IGF1: variants seen among roughly 807,000 people sequenced by gnomAD.
The protein encoded by IGF1 is insulin-like growth factor 1.
In IGF1, 4 loss-of-function variants were observed where a neutral mutation model predicts 13.8. The observed-to-expected ratio is 0.29, with a 90% CI of 0.14 to 0.66. The LOEUF is 0.66. Ranked by LOEUF, IGF1 falls within the 30% of genes least tolerant of loss-of-function variation. The pLI is 0.78. For synonymous variants in IGF1, 76 were observed against 72.6 expected (o/e 1.05, Z -0.23); for missense variants, 124 against 188.5 (o/e 0.66, Z 2.00).
rs2094412773 is a variant in IGF1, at chr12:102,396,962, G to A, written c.*5545C>T. ...TCATGCCTGTAATCCCAGCAATTTG[G>A]GAGGCTGAGGCGGGCAAATCACAAG... On this transcript the variant is annotated 3_prime_UTR_variant, in exon 4 of 4. Coordinates refer to ENST00000337514, the MANE Select transcript of IGF1 (RefSeq NM_000618.5). The A allele has an allele frequency of 2.3e-5, 9 of 397,660 alleles. No individual in the cohort carries two copies. Among genetic ancestry groups the A allele is most frequent in the Non-Finnish European group, 3.1e-5 (7 of 225,646 alleles). 24.6% of individuals were successfully genotyped at this position (397,660 alleles called of 1,614,324 possible). A position where few individuals can be genotyped will look rare whatever the true frequency, so the allele number is the denominator to read the frequency against.
At chr12:102,480,989 C>T (rs1474390988), upstream of IGF1, among the ~76,000 whole-genome samples, 1 of 152,182 alleles carries the variant, frequency 6.6e-6, no homozygotes, top group Non-Finnish European at 1.5e-5. Flanking sequence ...ATAAGACCCT[C>T]TCCAGCAAAC....
rs1263148572 is a variant in IGF1 at position 102,398,074 on chromosome 12, G to A, written c.*4433C>T. 3 of 135,340 alleles carry A rather than the reference G, an allele frequency of 2.2e-5. No individual in the cohort carries two copies. The highest frequency in any genetic ancestry group is 2.1e-4 in the East Asian group (1 of 4,692). The allele number at this position is 135,340 out of a possible 1,614,324, so 8.4% of individuals were successfully genotyped here. ...TTTTGAACATTAAGAAATTCATAAAGACTGTATAAAGTAAAAAAAAAAAAA... is the reference window on the plus strand; with the variant it reads ...TTTTGAACATTAAGAAATTCATAAAAACTGTATAAAGTAAAAAAAAAAAAA... On this transcript the variant is annotated 3_prime_UTR_variant, in exon 4 of 4. Transcript: ENST00000337514.
At chr12:102,459,225 G>T (rs965969803) in intron 2 of IGF1, among the ~76,000 whole-genome samples, 1 of 152,184 alleles carries the variant, frequency 6.6e-6, no homozygotes, top group African/African-American at 2.4e-5. Flanking sequence ...GTCAGATAGA[G>T]ACCTTACGTA....
intron 2 of IGF1, among the ~76,000 whole-genome samples, chr12:102,451,659 G>T (rs1170252164): frequency 2.6e-5 from 4 of 152,194 alleles, no homozygotes; most frequent in African/African-American, 7.2e-5. Flanking sequence ...CAGTGCACAG[G>T]GATCTCTCCC....
At chr12:102,411,045 G>A (rs536476167) in intron 3 of IGF1, among the ~76,000 whole-genome samples, 1 of 152,280 alleles carries the variant, frequency 6.6e-6, no homozygotes, top group East Asian at 1.9e-4. Flanking sequence ...TGTGCCAAAA[G>A]CACCTCTACC....
At chr12:102,479,889 A>G (rs1881298288) in intron 1 of IGF1, among the ~76,000 whole-genome samples, 1 of 152,152 alleles carries the variant, frequency 6.6e-6, no homozygotes, top group African/African-American at 2.4e-5. Context: ...CTGATGAGTT[A>G]CACACACAGA....
intron 2 of IGF1, among the ~76,000 whole-genome samples, chr12:102,434,419 G>A (rs1877031460): frequency 6.6e-6 from 1 of 150,836 alleles, no homozygotes; most frequent in Admixed American, 6.6e-5. Flanking sequence ...CTGTCCCTGC[G>A]ATAGTTTACT....
intron 2 of IGF1, among the ~76,000 whole-genome samples, chr12:102,445,246 TA>T (rs1262170175): frequency 6.6e-6 from 1 of 152,238 alleles, no homozygotes; most frequent in Non-Finnish European, 1.5e-5. Context: ...ATATGAAATT[TA>T]AAGTGGTTTT....
At chr12:102,476,607 C>T (rs867257220) in intron 1 of IGF1, among the ~76,000 whole-genome samples, 2 of 152,200 alleles carry the variant, frequency 1.3e-5, no homozygotes, top group East Asian at 1.9e-4. Context: ...CAAATCAACA[C>T]GTGTTGAGAA....
chr12:102,441,933 T>TCTTCTCCTTCTCCTTCTC (rs1877826766), intron 2 of IGF1, among the ~76,000 whole-genome samples: 1 of 133,902 alleles, frequency 7.5e-6, no homozygotes, highest in Admixed American at 8.5e-5. Flanking sequence ...TTCTTCTTCT[T>TCTTCTCCTTCTCCTTCTC]CTTCTTCTTC....
At chr12:102,432,334 T>A (rs1876810719) in intron 2 of IGF1, among the ~76,000 whole-genome samples, 1 of 152,242 alleles carries the variant, frequency 6.6e-6, no homozygotes, top group Admixed American at 6.5e-5. Flanking sequence ...TTTATCATCA[T>A]TTTAACTAAT....
intron 2 of IGF1, among the ~76,000 whole-genome samples, chr12:102,438,544 C>G (rs902059953): frequency 1.3e-5 from 2 of 152,194 alleles, no homozygotes; most frequent in African/African-American, 2.4e-5. Flanking sequence ...AGTCCACTTT[C>G]TCCACACAAT....
intron 2 of IGF1, among the ~76,000 whole-genome samples, chr12:102,420,067 G>A (rs986845477): frequency 2.6e-5 from 4 of 152,176 alleles, no homozygotes; most frequent in Admixed American, 1.3e-4. Flanking sequence ...TGTTGGCAAC[G>A]CTGCATTGCT....
Position 102,396,985 on chromosome 12 carries a change from A to C in IGF1, c.*5522T>G. 2.5e-6 allele frequency: 1 copy of C among 395,680 alleles called. No individual in the cohort carries two copies. The highest frequency in any genetic ancestry group is 1.3e-4 in the South Asian group (1 of 7,620). The allele number at this position is 395,680 out of a possible 1,614,324, so 24.5% of individuals were successfully genotyped here. ...TGGGAGGCTGAGGCGGGCAAATCACAAGGTCAGGAGTTTGAGACCAACCTG... is the reference window on the plus strand; with the variant it reads ...TGGGAGGCTGAGGCGGGCAAATCACCAGGTCAGGAGTTTGAGACCAACCTG... On this transcript the variant is annotated 3_prime_UTR_variant, in exon 4 of 4. Transcript: ENST00000337514.
intron 2 of IGF1, among the ~76,000 whole-genome samples, chr12:102,443,840 T>A (rs988301388): frequency 6.6e-6 from 1 of 152,020 alleles, no homozygotes; most frequent in Non-Finnish European, 1.5e-5. Context: ...TTATTTATTT[T>A]TTGAGACAGC....
At position 102,415,564 on chromosome 12, in the gene IGF1, T is replaced by TTCCTTCCTTCCG. The variant is rs1457497074; in HGVS notation, c.402+3944_402+3945insCGGAAGGAAGGA. 1.3e-3 allele frequency: 181 copies of TTCCTTCCTTCCG among 140,974 alleles called. 1 individual carries two copies. The highest frequency in any genetic ancestry group is 4.0e-3 in the African/African-American group (150 of 37,584). The allele number at this position is 140,974 out of a possible 1,614,324, so 8.7% of individuals were successfully genotyped here. The stretch of plus-strand genomic sequence containing the variant: ...TCCCTTTCCTTCCTTCCTTCCTTCC[T>TTCCTTCCTTCCG]TCCTTCCTTCCTTCCTTCCTTCCTT... On this transcript the variant is annotated intron_variant, in intron 3 of 3. Transcript: ENST00000337514.
chr12:102,458,730 C>CAAAAAA lies in IGF1; in HGVS notation c.220+16907_220+16912dup, dbSNP rs397825972. Among the ~76,000 whole-genome samples the CAAAAAA allele has an allele frequency of 7.6e-4, 56 of 73,430 alleles. 1 individual carries two copies. The highest frequency in any genetic ancestry group is 1.2e-3 in the Non-Finnish European group (49 of 41,288). 48.2% of individuals were successfully genotyped at this position (73,430 alleles called of 152,430 possible). On this transcript the variant is annotated intron_variant, in intron 2 of 3. Coordinates refer to ENST00000337514, the MANE Select transcript of IGF1 (RefSeq NM_000618.5). ...TTAAGCAGATGGTAGGAACACTGAC[C>CAAAAAA]AAAAAAAAAAAAAAAAACCAAAAAC...
At chr12:102,456,683 C>G (rs1210983286) in intron 2 of IGF1, among the ~76,000 whole-genome samples, 1 of 152,112 alleles carries the variant, frequency 6.6e-6, no homozygotes, top group Non-Finnish European at 1.5e-5. Context: ...TTTAATTAAC[C>G]TCTTATCCCT....
chr12:102,461,536 C>T (rs1005936166), intron 2 of IGF1, among the ~76,000 whole-genome samples: 9 of 151,416 alleles, frequency 5.9e-5, no homozygotes, highest in African/African-American at 2.2e-4. Flanking sequence ...AACACACATT[C>T]GTCCACTTAA....
Sources: gnomAD v4.1 joint callset for allele counts (sites outside exome capture counted in the v4.1 genomes callset) on GRCh38, gnomAD v4.1.1 for gene constraint, MANE v1.5 for transcripts, NCBI Gene and HGNC (gene_info 2026-07-23, HGNC 2026-07-21) for gene names.